INPP4B: variants seen among roughly 807,000 people sequenced by gnomAD.
The protein encoded by INPP4B is inositol polyphosphate-4-phosphatase type II B.
INPP4B carries 55 observed loss-of-function variants against 122.5 expected under a neutral mutation model. The ratio of observed to expected loss-of-function variants is 0.45; its 90% confidence interval spans 0.36 to 0.56. The LOEUF (loss-of-function observed/expected upper bound fraction) is 0.56, where lower values mean the gene tolerates loss of function less well. Ranked by LOEUF, INPP4B falls within the 20% of genes least tolerant of loss-of-function variation. The pLI is 0.00. For synonymous variants in INPP4B, 403 were observed against 388.7 expected, an observed-to-expected ratio of 1.04 and a Z score of -0.43; for missense variants, 1,000 against 1,097.7, an observed-to-expected ratio of 0.91 and a Z score of 1.26.
intron 14 of INPP4B, among the ~76,000 whole-genome samples, chr4:142,198,891 C>T (rs1296422823): frequency 6.6e-6 from 1 of 151,796 alleles, no homozygotes; most frequent in African/African-American, 2.4e-5. Context: ...ACTGCCCTTC[C>T]CTCCTTCATT....
Position 142,691,813 on chromosome 4 carries a change from G to A in INPP4B, c.-191+34026C>T, listed in dbSNP as rs11731837. On this transcript the variant is annotated intron_variant, in intron 2 of 25. Transcript: ENST00000262992. The stretch of plus-strand genomic sequence containing the variant: ...TAAAAACTCTGCATCAAAAACGTGG[G>A]GGGGACAAGCAAAAGGCTTGAGTTC... Among the ~76,000 whole-genome samples, 278 of 152,174 alleles carry A rather than the reference G, an allele frequency of 1.8e-3. 1 individual carries two copies. Among genetic ancestry groups the A allele is most frequent in the Non-Finnish European group, 3.1e-3 (212 of 68,006 alleles).
rs2152238112 is a variant in INPP4B, at chr4:142,023,702, T to C, written c.*5080A>G. On this transcript the variant is annotated 3_prime_UTR_variant, in exon 26 of 26. Transcript: ENST00000262992. ...TAGATGATTGAAGGAATATTATGAA[T>C]GTATTTACACTGTGAGTGTGAAAGG... is the stretch of plus-strand genomic sequence containing the variant. 6.6e-6 allele frequency: 1 copy of C among 152,272 alleles called. No individual in the cohort carries two copies. The allele number at this position is 152,272 out of a possible 1,614,324, so 9.4% of individuals were successfully genotyped here.
At chr4:142,659,672 C>T (rs191644316) in intron 2 of INPP4B, among the ~76,000 whole-genome samples, 97 of 152,064 alleles carry the variant, frequency 6.4e-4, no homozygotes, top group Non-Finnish European at 1.1e-3. Flanking sequence ...AATAGGATGC[C>T]CATCACTCGG....
intron 25 of INPP4B, among the ~76,000 whole-genome samples, chr4:142,069,518 C>T (rs897628762): frequency 7.3e-5 from 11 of 151,378 alleles, no homozygotes; most frequent in African/African-American, 2.2e-4. Context: ...CACAAAAAAC[C>T]GTTCAAAAAA....
At chr4:142,298,324 T>C (rs1759722392) in intron 9 of INPP4B, among the ~76,000 whole-genome samples, 1 of 152,002 alleles carries the variant, frequency 6.6e-6, no homozygotes. Flanking sequence ...TGAGTTTCAG[T>C]CTCCTGTCAT....
intron 2 of INPP4B, among the ~76,000 whole-genome samples, chr4:142,690,654 T>C (rs1404787513): frequency 1.3e-5 from 2 of 152,184 alleles, no homozygotes. Context: ...CAAAAAGGAC[T>C]GGAGAAGGAA....
At chr4:142,769,098 A>G (rs1166899401) in intron 1 of INPP4B, among the ~76,000 whole-genome samples, 1 of 152,200 alleles carries the variant, frequency 6.6e-6, no homozygotes, top group African/African-American at 2.4e-5. Flanking sequence ...TGGAAATTAA[A>G]GAATCATGTT....
At chr4:142,145,195 G>A (rs1306927310) in intron 18 of INPP4B, among the ~76,000 whole-genome samples, 1 of 152,022 alleles carries the variant, frequency 6.6e-6, no homozygotes, top group Non-Finnish European at 1.5e-5. Flanking sequence ...TTGTAATAAG[G>A]TATACATTTG....
chr4:142,151,975 T>C (rs1203111203), intron 17 of INPP4B, among the ~76,000 whole-genome samples: 1 of 152,038 alleles, frequency 6.6e-6, no homozygotes, highest in Admixed American at 6.6e-5. Context: ...CTCCGTTATC[T>C]TCCATCAATC....
At chr4:142,321,232 C>T (rs763687134) in intron 7 of INPP4B, among the ~76,000 whole-genome samples, 5 of 152,080 alleles carry the variant, frequency 3.3e-5, no homozygotes, top group Non-Finnish European at 5.9e-5. Context: ...ATGTTGAGCA[C>T]TTTTTCATAG....
intron 5 of INPP4B, among the ~76,000 whole-genome samples, chr4:142,418,018 T>C (rs1806127619): frequency 6.6e-6 from 1 of 152,108 alleles, no homozygotes; most frequent in Non-Finnish European, 1.5e-5. Flanking sequence ...TCAGGTTACA[T>C]TGCAATAATT....
chr4:142,754,909 A>G (rs1770292169), intron 1 of INPP4B, among the ~76,000 whole-genome samples: 1 of 152,056 alleles, frequency 6.6e-6, no homozygotes, highest in Non-Finnish European at 1.5e-5. Context: ...GTGCAGAAAA[A>G]CATGGACTAA....
chr4:142,079,905 A>G (rs985270447), intron 25 of INPP4B, among the ~76,000 whole-genome samples: 2 of 152,168 alleles, frequency 1.3e-5, no homozygotes, highest in African/African-American at 4.8e-5. Context: ...TACAAGGATC[A>G]TAATTAGCTA....
At chr4:142,144,312 G>A (rs1809500843) in intron 18 of INPP4B, among the ~76,000 whole-genome samples, 1 of 150,524 alleles carries the variant, frequency 6.6e-6, no homozygotes, top group Non-Finnish European at 1.5e-5. Context: ...TCAGTGAGAA[G>A]TTTTGGCAAC....
At chr4:142,314,794 G>A (rs1322014381) in intron 7 of INPP4B, 32 bp from the exon 8 acceptor site, 17 of 1,578,164 alleles carry the variant, frequency 1.1e-5, no homozygotes, top group Non-Finnish European at 1.5e-5. Context: ...GTAAGACTTT[G>A]GAGTAGAAAC....
At chr4:142,431,975 T>A (rs1431171515) in intron 3 of INPP4B, among the ~76,000 whole-genome samples, 1 of 152,046 alleles carries the variant, frequency 6.6e-6, no homozygotes, top group Non-Finnish European at 1.5e-5. Flanking sequence ...TCATGGTATA[T>A]GCTGAAAAGA....
chr4:142,109,140 C>CA (rs1788722924), intron 22 of INPP4B, among the ~76,000 whole-genome samples: 1 of 147,232 alleles, frequency 6.8e-6, no homozygotes. Context: ...GTAACCCTTC[C>CA]TTTTTTTTTT....
intron 11 of INPP4B, among the ~76,000 whole-genome samples, chr4:142,248,100 T>C (rs1462428083): frequency 6.6e-6 from 1 of 152,190 alleles, no homozygotes; most frequent in East Asian, 1.9e-4. Flanking sequence ...TATGTTTATA[T>C]TGTACATCAC....
chr4:142,405,920 G>A (rs532029575), intron 5 of INPP4B, among the ~76,000 whole-genome samples: 2 of 152,146 alleles, frequency 1.3e-5, no homozygotes, highest in African/African-American at 2.4e-5. Flanking sequence ...GCTAAGCCTG[G>A]AGGAGATGGG....
Sources: allele counts gnomAD v4.1 joint callset (sites outside exome capture counted in the v4.1 genomes callset), GRCh38; gene constraint gnomAD v4.1.1; transcripts MANE v1.5; gene names NCBI Gene and HGNC (gene_info 2026-07-23, HGNC 2026-07-21).